ZBTB20: variants seen among roughly 807,000 people sequenced by gnomAD.
ZBTB20 encodes the protein zinc finger and BTB domain containing 20.
Under a neutral mutation model 56.9 loss-of-function variants are expected in ZBTB20, and 9 were observed. That is an observed-to-expected ratio of 0.16 (90% CI 0.10 to 0.28). The LOEUF is 0.28. Ranked by LOEUF, ZBTB20 falls within the 10% of genes least tolerant of loss-of-function variation. The probability of loss-of-function intolerance (pLI) is 1.00; values close to 1 mark genes in which losing one functional copy is unlikely to be tolerated. For synonymous variants in ZBTB20, 417 were observed against 420.7 expected (o/e 0.99, Z 0.11); for missense variants, 655 against 1,003.0 (o/e 0.65, Z 4.69).
intron 6 of ZBTB20, among the ~76,000 whole-genome samples, chr3:114,625,769 C>T (rs1560055377): frequency 6.6e-6 from 1 of 152,124 alleles, no homozygotes; most frequent in Non-Finnish European, 1.5e-5. Context: ...GGACTTCAAA[C>T]ACTTCTCCCT....
rs549984667 is a variant in ZBTB20, at chr3:114,666,036, G to C, written c.-295+27492C>G. On this transcript the variant is annotated intron_variant, in intron 6 of 11. Transcript: ENST00000675478. ...CTATTGTCACTATCCTAAATGGACC[G>C]CATGCTTCCTTTGTCCCTTGCATTC... Among the ~76,000 whole-genome samples the C allele has an allele frequency of 4.6e-5, 7 of 152,078 alleles. No individual in the cohort carries two copies. The South Asian group carries it at 1.5e-3, about 32-fold the overall frequency.
intron 3 of ZBTB20, among the ~76,000 whole-genome samples, chr3:114,919,061 C>T (rs1469470750): frequency 1.3e-5 from 2 of 152,144 alleles, no homozygotes; most frequent in African/African-American, 4.8e-5. Context: ...TGGACAATTT[C>T]TCTCTTGTAA....
intron 5 of ZBTB20, among the ~76,000 whole-genome samples, chr3:114,761,449 C>T (rs1034951692): frequency 1.3e-5 from 2 of 152,114 alleles, no homozygotes; most frequent in African/African-American, 2.4e-5. Flanking sequence ...ATTCATTCTA[C>T]ACAATGAGAC....
chr3:114,511,065 A>C (rs545754868), intron 6 of ZBTB20, among the ~76,000 whole-genome samples: 3 of 151,876 alleles, frequency 2.0e-5, no homozygotes, highest in Non-Finnish European at 4.4e-5. Flanking sequence ...ACATGATGAA[A>C]CTGAAAAAAG....
intron 6 of ZBTB20, among the ~76,000 whole-genome samples, chr3:114,621,937 G>A (rs1385931799): frequency 6.6e-6 from 1 of 151,952 alleles, no homozygotes; most frequent in Non-Finnish European, 1.5e-5. Flanking sequence ...ATTCTTCCAC[G>A]ACCACTTGGA....
At chr3:114,888,971 C>A (rs184658898) in intron 4 of ZBTB20, among the ~76,000 whole-genome samples, 1 of 152,008 alleles carries the variant, frequency 6.6e-6, no homozygotes, top group East Asian at 1.9e-4. Flanking sequence ...AAAGTCATAA[C>A]CTGTGGTATA....
chr3:114,369,428 TAA>T (rs1343253016), intron 10 of ZBTB20, among the ~76,000 whole-genome samples: 1 of 152,236 alleles, frequency 6.6e-6, no homozygotes, highest in Non-Finnish European at 1.5e-5. Flanking sequence ...TGTGAAATTA[TAA>T]AGACTCATGT....
chr3:114,377,474 T>C (rs2083784121), intron 10 of ZBTB20, among the ~76,000 whole-genome samples: 1 of 152,190 alleles, frequency 6.6e-6, no homozygotes, highest in African/African-American at 2.4e-5. Context: ...GGGTCAGACT[T>C]GTCATCTTTG....
chr3:114,759,875 C>A (rs2068310236), intron 5 of ZBTB20, among the ~76,000 whole-genome samples: 1 of 152,030 alleles, frequency 6.6e-6, no homozygotes, highest in African/African-American at 2.4e-5. Flanking sequence ...AACAAAGCCA[C>A]CAAACAGATA....
At chr3:115,082,794 A>G (rs888658370) in intron 1 of ZBTB20, among the ~76,000 whole-genome samples, 7 of 152,244 alleles carry the variant, frequency 4.6e-5, no homozygotes, top group East Asian at 1.9e-4. Flanking sequence ...AGAAATATAC[A>G]GAAATGAAAA....
intron 3 of ZBTB20, among the ~76,000 whole-genome samples, chr3:114,960,958 A>C (rs2077428649): frequency 6.6e-6 from 1 of 152,164 alleles, no homozygotes; most frequent in Non-Finnish European, 1.5e-5. Context: ...GGTCAGCAAG[A>C]TCAAATGCTC....
At chr3:115,069,904 A>G (rs2082346238) in intron 2 of ZBTB20, among the ~76,000 whole-genome samples, 1 of 152,142 alleles carries the variant, frequency 6.6e-6, no homozygotes, top group African/African-American at 2.4e-5. Context: ...CATTTTACAC[A>G]AAAGGACATT....
intron 5 of ZBTB20, among the ~76,000 whole-genome samples, chr3:114,764,756 T>C (rs1397377366): frequency 1.3e-5 from 2 of 152,284 alleles, no homozygotes; most frequent in South Asian, 2.1e-4. Flanking sequence ...GAGAAAATAA[T>C]ATATTGGTAC....
intron 2 of ZBTB20, among the ~76,000 whole-genome samples, chr3:115,041,390 G>GT (rs974990582): frequency 1.1e-4 from 17 of 152,104 alleles, no homozygotes; most frequent in Non-Finnish European, 2.2e-4. Flanking sequence ...CAAAACTCTA[G>GT]TTTTTTTATT....
chr3:114,572,530 C>A (rs2053551209), intron 6 of ZBTB20, among the ~76,000 whole-genome samples: 1 of 152,152 alleles, frequency 6.6e-6, no homozygotes, highest in Admixed American at 6.5e-5. Context: ...AGCTTGTGTA[C>A]AAATGGTTCT....
intron 6 of ZBTB20, among the ~76,000 whole-genome samples, chr3:114,607,929 A>G (rs1395202211): frequency 6.6e-6 from 1 of 152,224 alleles, no homozygotes; most frequent in African/African-American, 2.4e-5. Context: ...CAGCTAGTAT[A>G]ATTACATTTT....
At chr3:114,358,190 G>A (rs1576332675) in intron 10 of ZBTB20, among the ~76,000 whole-genome samples, 1 of 152,134 alleles carries the variant, frequency 6.6e-6, no homozygotes, top group Non-Finnish European at 1.5e-5. Flanking sequence ...CAAAAAAATA[G>A]TTTACTTGCA....
intron 4 of ZBTB20, among the ~76,000 whole-genome samples, chr3:114,879,791 A>G (rs1195873074): frequency 6.6e-6 from 1 of 152,118 alleles, no homozygotes; most frequent in African/African-American, 2.4e-5. Context: ...TTGTTTCTAA[A>G]GCACCTCTTA....
At chr3:114,824,915 G>A (rs941326162) in intron 4 of ZBTB20, among the ~76,000 whole-genome samples, 2 of 151,924 alleles carry the variant, frequency 1.3e-5, no homozygotes, top group Non-Finnish European at 2.9e-5. Flanking sequence ...GCTAGTAAGA[G>A]AATAACTTTT....
Sources: gnomAD v4.1 joint callset for allele counts (sites outside exome capture counted in the v4.1 genomes callset) on GRCh38, gnomAD v4.1.1 for gene constraint, MANE v1.5 for transcripts, NCBI Gene and HGNC (gene_info 2026-07-23, HGNC 2026-07-21) for gene names.